Variants in VPS13B observed in about 807,000 individuals in gnomAD.
The protein encoded by VPS13B is vacuolar protein sorting 13 homolog B, also known as intermembrane lipid transfer protein VPS13B.
Under a neutral mutation model 426.4 loss-of-function variants are expected in VPS13B, and 285 were observed. The ratio of observed to expected loss-of-function variants is 0.67; its 90% CI spans 0.61 to 0.74. The LOEUF is 0.74. Among genes scored for constraint, VPS13B ranks in the 30% least tolerant of loss-of-function variants. VPS13B has a pLI of 0.00. For synonymous variants in VPS13B, 1,676 were observed against 1,676.4 expected (o/e 1.00, Z 0.01); for missense variants, 4,537 against 4,782.6 (o/e 0.95, Z 1.51).
intron 36 of VPS13B, among the ~76,000 whole-genome samples, chr8:99,715,719 T>C (rs565444904): frequency 1.3e-5 from 2 of 152,340 alleles, no homozygotes; most frequent in African/African-American, 4.8e-5. Context: ...GATGATGCAA[T>C]CCTGACATTC....
rs1814820106 is a variant in VPS13B, at chr8:99,828,388, A to C, written c.9331-3981A>C. ...TGTTTTATCAGAGACTAGGATTACA[A>C]CCACCGTTTTTTTTTTTTTTTTTTT... On this transcript the variant is annotated intron_variant, in intron 51 of 61. Transcript: ENST00000357162. Among the ~76,000 whole-genome samples the C allele has an allele frequency of 8.2e-5, 10 of 121,492 alleles. 1 individual carries two copies. Among genetic ancestry groups the C allele is most frequent in the Admixed American group, 1.7e-4 (2 of 11,976 alleles). The allele number at this position is 121,492 out of a possible 152,430, so 79.7% of individuals were successfully genotyped here. A position where few individuals can be genotyped will look rare whatever the true frequency, so the allele number is the denominator to read the frequency against.
chr8:99,741,813 A>G (rs1004606295), intron 39 of VPS13B, among the ~76,000 whole-genome samples: 5 of 152,302 alleles, frequency 3.3e-5, no homozygotes, highest in Admixed American at 1.3e-4. Flanking sequence ...TCTCTGGGAC[A>G]CATTCAAAGC....
intron 43 of VPS13B, among the ~76,000 whole-genome samples, chr8:99,785,316 G>A (rs932166901): frequency 5.3e-5 from 8 of 152,100 alleles, no homozygotes; most frequent in African/African-American, 1.7e-4. Flanking sequence ...TAGAGAACAA[G>A]TTTTCCCATC....
chr8:99,380,517 T>G (rs1053201935), intron 19 of VPS13B, among the ~76,000 whole-genome samples: 1 of 152,176 alleles, frequency 6.6e-6, no homozygotes, highest in African/African-American at 2.4e-5. Context: ...GGGCACATGC[T>G]TTTGTTGTCT....
At chr8:99,717,717 A>G (rs1191415304) in intron 37 of VPS13B, among the ~76,000 whole-genome samples, 2 of 152,148 alleles carry the variant, frequency 1.3e-5, no homozygotes, top group East Asian at 1.9e-4. Context: ...GAAACCACTA[A>G]TCTACTTTCT....
At chr8:99,114,598 G>GCT (rs1203571866) in intron 6 of VPS13B, among the ~76,000 whole-genome samples, 1 of 152,122 alleles carries the variant, frequency 6.6e-6, no homozygotes, top group Non-Finnish European at 1.5e-5. Flanking sequence ...CTCCTTTCCT[G>GCT]CTCACCTCCC....
At chr8:99,398,851 A>T (rs555627799) in intron 21 of VPS13B, among the ~76,000 whole-genome samples, 1 of 151,502 alleles carries the variant, frequency 6.6e-6, no homozygotes, top group East Asian at 1.9e-4. Flanking sequence ...AGAATCTAAG[A>T]GATCAAAAAA....
rs199868590 is a variant in VPS13B, at chr8:99,274,265, C to T, written c.2583C>T (p.Cys861=). 8 of 1,613,996 alleles carry T rather than the reference C, an allele frequency of 5.0e-6. No homozygotes were observed. The highest frequency in any genetic ancestry group is 6.8e-6 in the Non-Finnish European group (8 of 1,180,018). Residue 861 remains cysteine (C), a synonymous_variant, in exon 18 of 62, where the codon TGC becomes TGT. Coordinates refer to ENST00000357162, the MANE Select transcript of VPS13B (RefSeq NM_152564.5). ...GSIQNVELKY[C]STSLVKCASG... ...TCCAGAATGTTGAATTGAAGTACTG[C>T]AGCACATCATTGGTCAAATGTGCCT...
At chr8:99,102,284 T>C (rs1009043644) in intron 4 of VPS13B, among the ~76,000 whole-genome samples, 2 of 152,176 alleles carry the variant, frequency 1.3e-5, no homozygotes, top group South Asian at 4.1e-4. Context: ...TCCATACTTT[T>C]GTTTTTTCAT....
intron 43 of VPS13B, among the ~76,000 whole-genome samples, chr8:99,796,315 G>A (rs961490260): frequency 6.6e-6 from 1 of 151,858 alleles, no homozygotes; most frequent in African/African-American, 2.4e-5. Flanking sequence ...AGAAGTGAAT[G>A]GGAAGTGACG....
chr8:99,577,620 A>G lies in VPS13B; in HGVS notation c.5207A>G (p.Asn1736Ser). 1 of 1,613,692 alleles carries G rather than the reference A, an allele frequency of 6.2e-7. No homozygotes were observed. The highest frequency in any genetic ancestry group is 1.3e-5 in the African/African-American group (1 of 75,046). ...VANMTGLEPS[N>S]KAAEISKQEQ... The stretch of plus-strand genomic sequence containing the variant: ...AATATGACTGGACTGGAACCATCAA[A>G]CAAGGCTGCAGAGGTAACTGTTACC... Residue 1736 changes from asparagine to serine, a missense_variant, in exon 33 of 62, where the codon AAC becomes AGC. Physicochemically the swap from Asn to Ser is conservative, Grantham distance 46. Coordinates refer to ENST00000357162, the MANE Select transcript of VPS13B (RefSeq NM_152564.5).
intron 30 of VPS13B, among the ~76,000 whole-genome samples, chr8:99,540,042 TATATATATATATATATATATA>T (rs1309852358): frequency 0.012 from 46 of 3,822 alleles, no homozygotes; most frequent in East Asian, 0.071. Flanking sequence ...TATATATATA[TATATATATATATATATATATA>T]TTTTTTTTTT....
chr8:99,148,047 T>C (rs1467009151), intron 14 of VPS13B, 37 bp downstream of exon 14: 1 of 1,581,354 alleles, frequency 6.3e-7, no homozygotes, highest in Admixed American at 1.7e-5. Context: ...TTTTCCCTCA[T>C]ATATGGATTT....
intron 13 of VPS13B, among the ~76,000 whole-genome samples, chr8:99,145,306 C>T (rs2132588112): frequency 6.6e-6 from 1 of 152,214 alleles, no homozygotes; most frequent in Non-Finnish European, 1.5e-5. Flanking sequence ...GTTTTACTTG[C>T]ACTCATTTGT....
At chr8:99,539,655 TTGAGCCCAGGAGTTCAAGATTGCAA>T (rs1162880656) in intron 30 of VPS13B, among the ~76,000 whole-genome samples, 1 of 152,040 alleles carries the variant, frequency 6.6e-6, no homozygotes, top group Admixed American at 6.6e-5. Context: ...GGAGGATCAC[TTGAGCCCAGGAGTTCAAGATTGCAA>T]TGAGCTATGA....
chr8:99,288,740 G>A (rs1177422711), intron 19 of VPS13B, among the ~76,000 whole-genome samples: 1 of 151,914 alleles, frequency 6.6e-6, no homozygotes, highest in African/African-American at 2.4e-5. Flanking sequence ...TCTTTTTGAT[G>A]TATAGTTGGA....
intron 23 of VPS13B, among the ~76,000 whole-genome samples, chr8:99,444,882 C>T (rs1038686762): frequency 2.6e-5 from 4 of 152,108 alleles, no homozygotes; most frequent in East Asian, 1.9e-4. Context: ...AGGTTGGTAT[C>T]GAACTCCTGG....
intron 43 of VPS13B, among the ~76,000 whole-genome samples, chr8:99,805,456 A>G (rs973978515): frequency 2.6e-4 from 39 of 152,168 alleles, no homozygotes; most frequent in Non-Finnish European, 1.6e-4. Flanking sequence ...CTGTTTTCCT[A>G]GATTTTATCT....
intron 21 of VPS13B, among the ~76,000 whole-genome samples, chr8:99,412,696 T>C (rs886770059): frequency 8.5e-5 from 13 of 152,206 alleles, no homozygotes; most frequent in African/African-American, 2.9e-4. Context: ...AGTATGATAT[T>C]GACTGTGGGT....
Sources: gnomAD v4.1 joint callset for allele counts (sites outside exome capture counted in the v4.1 genomes callset) on GRCh38, gnomAD v4.1.1 for gene constraint, MANE v1.5 for transcripts, NCBI Gene and HGNC (gene_info 2026-07-23, HGNC 2026-07-21) for gene names.